Variants in ANKS1B observed in about 807,000 individuals in gnomAD.
ANKS1B encodes ankyrin repeat and sterile alpha motif domain-containing protein 1B.
Under a neutral mutation model 148.3 loss-of-function variants are expected in ANKS1B, and 36 were observed. That is an observed-to-expected ratio of 0.24 (90% CI 0.19 to 0.32). ANKS1B has a LOEUF of 0.32. ANKS1B is among the 10% of genes least tolerant of loss of function. ANKS1B has a pLI of 1.00. For missense variants in ANKS1B, 1,157 were observed against 1,542.6 expected, an observed-to-expected ratio of 0.75 and a Z score of 4.19; for synonymous variants, 542 against 560.8, an observed-to-expected ratio of 0.97 and a Z score of 0.47.
chr12:99,951,123 T>C (rs1025773028), intron 1 of ANKS1B, among the ~76,000 whole-genome samples: 3 of 152,212 alleles, frequency 2.0e-5, no homozygotes, highest in East Asian at 3.8e-4. Context: ...CTGATTTCCA[T>C]CCATCTCTAT....
At chr12:99,904,146 T>C (rs1395376931) in intron 1 of ANKS1B, among the ~76,000 whole-genome samples, 7 of 152,046 alleles carry the variant, frequency 4.6e-5, no homozygotes, top group African/African-American at 1.7e-4. Context: ...TTAATTTACC[T>C]AAAAACATTA....
chr12:99,439,480 AC>A (rs2095514384), intron 11 of ANKS1B, among the ~76,000 whole-genome samples: 1 of 151,626 alleles, frequency 6.6e-6, no homozygotes, highest in Non-Finnish European at 1.5e-5. Flanking sequence ...AAAGCTGAAC[AC>A]CCCTAAAAAA....
intron 16 of ANKS1B, among the ~76,000 whole-genome samples, chr12:99,066,274 T>C (rs902780945): frequency 3.3e-5 from 5 of 152,086 alleles, no homozygotes; most frequent in Non-Finnish European, 7.4e-5. Flanking sequence ...TGTGTTGAGA[T>C]TGTGCCACTG....
intron 12 of ANKS1B, among the ~76,000 whole-genome samples, chr12:99,291,218 G>GC (rs2154008406): frequency 6.6e-6 from 1 of 152,148 alleles, no homozygotes; most frequent in Non-Finnish European, 1.5e-5. Flanking sequence ...AAACACTGAT[G>GC]CAAGAACTTG....
intron 25 of ANKS1B, among the ~76,000 whole-genome samples, chr12:98,767,441 G>A (rs564325094): frequency 6.8e-6 from 1 of 146,936 alleles, no homozygotes; most frequent in African/African-American, 2.5e-5. Flanking sequence ...CCTGCACCAC[G>A]TCTTCAACAT....
At chr12:99,464,222 G>C (rs541596546) in intron 10 of ANKS1B, among the ~76,000 whole-genome samples, 1 of 152,172 alleles carries the variant, frequency 6.6e-6, no homozygotes, top group Non-Finnish European at 1.5e-5. Flanking sequence ...CAGACCTGCA[G>C]CTGAGGGTCC....
chr12:99,417,476 G>A (rs78169269), intron 11 of ANKS1B, among the ~76,000 whole-genome samples: 1,974 of 152,104 alleles, frequency 0.013, 14 homozygotes, highest in Admixed American at 0.021. Flanking sequence ...TTGAAACTGG[G>A]TAGACTGATT....
chr12:99,966,752 T>C (rs2095489340), intron 1 of ANKS1B, among the ~76,000 whole-genome samples: 1 of 152,180 alleles, frequency 6.6e-6, no homozygotes, highest in Non-Finnish European at 1.5e-5. Context: ...TTTTAATGCT[T>C]TTAAAAAGGA....
intron 12 of ANKS1B, among the ~76,000 whole-genome samples, chr12:99,379,476 T>C (rs1263716200): frequency 1.3e-5 from 2 of 152,208 alleles, no homozygotes. Context: ...ATGCAAAACA[T>C]TTAGAAAAGT....
chr12:99,674,137 A>C lies in ANKS1B; in HGVS notation c.1129-18927T>G, dbSNP rs142914821. Among the ~76,000 whole-genome samples the C allele has an allele frequency of 5.2e-3, 787 of 152,006 alleles. 5 individuals are homozygous for C. Among genetic ancestry groups the C allele is most frequent in the Non-Finnish European group, 8.7e-3 (588 of 67,784 alleles). On this transcript the variant is annotated intron_variant, in intron 8 of 26. Coordinates refer to ENST00000683438, the MANE Select transcript of ANKS1B (RefSeq NM_001352186.2). ...CATGTCAAGAGACAAAGGAAAATTA[A>C]TTTAAATGGAGAAAAATGTCATAAT...
intron 9 of ANKS1B, chr12:99,648,664 G>A (rs1350975686): frequency 6.2e-7 from 1 of 1,614,160 alleles, no homozygotes. Context: ...AGACCTTTTT[G>A]TTCACTGGGA....
intron 1 of ANKS1B, among the ~76,000 whole-genome samples, chr12:99,835,159 C>T (rs1004998725): frequency 1.3e-5 from 2 of 150,190 alleles, no homozygotes; most frequent in East Asian, 2.0e-4. Context: ...CACCTGTAAT[C>T]GCAGCACTTT....
intron 9 of ANKS1B, among the ~76,000 whole-genome samples, chr12:99,636,980 C>G (rs2098243634): frequency 6.6e-6 from 1 of 152,140 alleles, no homozygotes; most frequent in Admixed American, 6.5e-5. Flanking sequence ...TTCCTTCTCA[C>G]TAATAATCAG....
intron 12 of ANKS1B, among the ~76,000 whole-genome samples, chr12:99,299,123 C>T (rs558721965): frequency 1.3e-5 from 2 of 151,634 alleles, no homozygotes; most frequent in Non-Finnish European, 2.9e-5. Context: ...TGTCATGGCA[C>T]GATCATAGCT....
intron 10 of ANKS1B, among the ~76,000 whole-genome samples, chr12:99,488,493 T>C (rs1157000756): frequency 1.3e-5 from 2 of 152,202 alleles, no homozygotes; most frequent in Non-Finnish European, 2.9e-5. Flanking sequence ...GAAATGTTTT[T>C]TAACAAAAAT....
chr12:99,704,525 C>T (rs1205797241), intron 8 of ANKS1B, among the ~76,000 whole-genome samples: 5 of 151,336 alleles, frequency 3.3e-5, no homozygotes, highest in Admixed American at 1.3e-4. Flanking sequence ...TCTAGACACA[C>T]ACATACATAC....
chr12:99,684,133 T>C (rs1279409519), intron 8 of ANKS1B, among the ~76,000 whole-genome samples: 1 of 151,644 alleles, frequency 6.6e-6, no homozygotes, highest in Admixed American at 6.6e-5. Flanking sequence ...GGCACAGAAA[T>C]AAAGGGTATC....
intron 17 of ANKS1B, among the ~76,000 whole-genome samples, chr12:98,950,587 CT>C (rs1196867840): frequency 2.6e-5 from 4 of 152,106 alleles, no homozygotes; most frequent in African/African-American, 9.7e-5. Flanking sequence ...AAGTTTATTT[CT>C]CATCAAAATG....
At chr12:99,721,396 G>A (rs867063642) in intron 8 of ANKS1B, among the ~76,000 whole-genome samples, 7 of 152,098 alleles carry the variant, frequency 4.6e-5, no homozygotes, top group East Asian at 1.9e-4. Flanking sequence ...CCAGATGGCC[G>A]GTTCCTGCCT....
Sources: allele counts gnomAD v4.1 joint callset (sites outside exome capture counted in the v4.1 genomes callset), GRCh38; gene constraint gnomAD v4.1.1; transcripts MANE v1.5; gene names NCBI Gene and HGNC (gene_info 2026-07-23, HGNC 2026-07-21).